RIMKLA: variants seen among roughly 807,000 people sequenced by gnomAD.
RIMKLA encodes the protein ribosomal modification protein rimK like family member A.
In RIMKLA, 14 loss-of-function variants were observed where a neutral mutation model predicts 32.7. The observed-to-expected ratio is 0.43, with a 90% CI of 0.28 to 0.67. RIMKLA has a LOEUF of 0.67. Ranked by LOEUF, RIMKLA falls within the 30% of genes least tolerant of loss-of-function variation. The pLI is 0.18. For missense variants in RIMKLA, 410 were observed against 519.0 expected (o/e 0.79, Z 2.04); for synonymous variants, 176 against 204.1 (o/e 0.86, Z 1.18).
In RIMKLA at chr1:42,416,096, G is replaced by GGGT. The variant is rs1442834977; in HGVS notation, c.*1124_*1125insTGG. ...CCCATTGCACATTTTGCGGGGGGGGGGGCTAATGTAGACATGACACCAAGT... is the reference window on the plus strand; with the variant it reads ...CCCATTGCACATTTTGCGGGGGGGGGGGTGGCTAATGTAGACATGACACCAAGT... On this transcript the variant is annotated 3_prime_UTR_variant, in exon 5 of 5. Coordinates refer to ENST00000431473, the MANE Select transcript of RIMKLA (RefSeq NM_173642.4). 15 of 131,756 alleles carry GGGT rather than the reference G, an allele frequency of 1.1e-4. 1 individual carries two copies. Among genetic ancestry groups the GGGT allele is most frequent in the Admixed American group, 2.3e-4 (3 of 13,008 alleles). 8.2% of individuals were successfully genotyped at this position (131,756 alleles called of 1,614,324 possible). A position where few individuals can be genotyped will look rare whatever the true frequency, so the allele number is the denominator to read the frequency against.
chr1:42,399,027 G>A (rs2148389310), intron 1 of RIMKLA, among the ~76,000 whole-genome samples: 1 of 150,752 alleles, frequency 6.6e-6, no homozygotes, highest in East Asian at 1.9e-4. Context: ...ATAAAAGAGT[G>A]GTAGGGATTC....
chr1:42,399,524 G>C lies in RIMKLA; in HGVS notation c.284G>C (p.Gly95Ala). 6.2e-7 allele frequency: 1 copy of C among 1,613,484 alleles called. No individual in the cohort carries two copies. Among genetic ancestry groups the C allele is most frequent in the African/African-American group, 1.3e-5 (1 of 75,032 alleles). ...GTCCTGCGACACCTGGAGAAGCTGG[G>C]CTGCCGGTTGGTCAATCGCCCACAG... ...ITVLRHLEKLGCRLVNRPQSI... is the reference protein window; with the variant it reads ...ITVLRHLEKLACRLVNRPQSI... Residue 95 changes from glycine to alanine, a missense_variant, in exon 2 of 5, where the codon GGC becomes GCC. By Grantham distance (60) the Gly-to-Ala change is moderately conservative. Coordinates refer to ENST00000431473, the MANE Select transcript of RIMKLA (RefSeq NM_173642.4).
rs1642879963 is a variant in RIMKLA, at chr1:42,380,850, G to GGCCGCCC, written c.-84_-78dup. On this transcript the variant is annotated 5_prime_UTR_variant, in exon 1 of 5. Transcript: ENST00000431473. ...CCGTGGCGCGCTCGCCCCGGACGCCGGCCGCCCCTCCGCTCGCCCTACTGA... is the reference window on the plus strand; with the variant it reads ...CCGTGGCGCGCTCGCCCCGGACGCCGGCCGCCCGCCGCCCCTCCGCTCGCCCTACTGA... The GGCCGCCC allele has an allele frequency of 8.6e-6, 8 of 933,072 alleles. No homozygotes were observed. The highest frequency in any genetic ancestry group is 1.1e-5 in the Non-Finnish European group (8 of 744,900). 57.8% of individuals were successfully genotyped at this position (933,072 alleles called of 1,614,324 possible).
intron 1 of RIMKLA, among the ~76,000 whole-genome samples, chr1:42,385,832 CTTTCTTTCTTTCT>C (rs1570313885): frequency 8.3e-4 from 61 of 73,388 alleles, no homozygotes; most frequent in Admixed American, 1.4e-3. Flanking sequence ...TCCTTCCTTT[CTTTCTTTCTTTCT>C]CTTTCTTTCT....
Position 42,422,754 on chromosome 1 carries a change from T to TATA in RIMKLA, c.*7783_*7785dup, listed in dbSNP as rs1643305274. Among the ~76,000 whole-genome samples, 1 of 152,218 alleles carries TATA rather than the reference T, an allele frequency of 6.6e-6. No individual in the cohort carries two copies. Among genetic ancestry groups the TATA allele is most frequent in the South Asian group, 2.1e-4 (1 of 4,830 alleles). On this transcript the variant is annotated 3_prime_UTR_variant, in exon 5 of 5. Transcript: ENST00000431473. ...GCACACCAGCTGCGTTCTGAAAAAC[T>TATA]ATAATTTTCCTTTCAAACGCAGAGT... is the stretch of plus-strand genomic sequence containing the variant.
At chr1:42,385,717 C>CTCTTTCTT (rs35500484) in intron 1 of RIMKLA, among the ~76,000 whole-genome samples, 4,997 of 109,074 alleles carry the variant, frequency 0.046, 232 homozygotes, top group South Asian at 0.098. Context: ...TTCTTTCCTT[C>CTCTTTCTT]TCTTTCTTTC....
intron 1 of RIMKLA, among the ~76,000 whole-genome samples, chr1:42,391,496 G>A (rs960140848): frequency 1.3e-5 from 2 of 152,068 alleles, no homozygotes; most frequent in Non-Finnish European, 2.9e-5. Context: ...CAACTTAGAG[G>A]GCTGTTGGGG....
intron 1 of RIMKLA, among the ~76,000 whole-genome samples, chr1:42,390,582 G>GT (rs1642992341): frequency 6.6e-6 from 1 of 152,196 alleles, no homozygotes; most frequent in African/African-American, 2.4e-5. Flanking sequence ...GTGCAGGTGG[G>GT]TGGGTAGATG....
chr1:42,389,668 G>C (rs1642983632), intron 1 of RIMKLA, among the ~76,000 whole-genome samples: 1 of 152,026 alleles, frequency 6.6e-6, no homozygotes, highest in Non-Finnish European at 1.5e-5. Flanking sequence ...AAAAAATTTA[G>C]CCGGGCGTGG....
rs1335249265 is a variant in RIMKLA at position 42,424,052 on chromosome 1, C to T, written c.*9078C>T. Among the ~76,000 whole-genome samples, 2 of 152,176 alleles carry T rather than the reference C, an allele frequency of 1.3e-5. No individual in the cohort carries two copies. On this transcript the variant is annotated 3_prime_UTR_variant, in exon 5 of 5. Transcript: ENST00000431473. The stretch of plus-strand genomic sequence containing the variant: ...AGAGAAGTGGCAGCTGAGCACACTG[C>T]CTGCCCAGGGATTTTCTTCTGCTCT...
intron 4 of RIMKLA, 26 bp downstream of exon 4, chr1:42,410,213 A>T: frequency 1.9e-6 from 3 of 1,603,804 alleles, no homozygotes; most frequent in South Asian, 2.2e-5. Flanking sequence ...ACAGGGTTTT[A>T]TTAGGGTATT....
At chr1:42,395,299 G>A (rs1291106691) in intron 1 of RIMKLA, among the ~76,000 whole-genome samples, 1 of 151,862 alleles carries the variant, frequency 6.6e-6, no homozygotes, top group Non-Finnish European at 1.5e-5. Flanking sequence ...ACTTGTTTGA[G>A]GTTTGATCTT....
At chr1:42,396,857 T>C (rs1425531107) in intron 1 of RIMKLA, among the ~76,000 whole-genome samples, 1 of 152,230 alleles carries the variant, frequency 6.6e-6, no homozygotes, top group Non-Finnish European at 1.5e-5. Context: ...CTGTGTAATG[T>C]TGTCCTGGGT....
Position 42,380,917 on chromosome 1 carries a change from C to A in RIMKLA, c.-18C>A. On this transcript the variant is annotated 5_prime_UTR_variant, in exon 1 of 5. Coordinates refer to ENST00000431473, the MANE Select transcript of RIMKLA (RefSeq NM_173642.4). Reference sequence around the variant, plus strand: ...GCCGAGGGGTCCGCGCCGCGCGGGGCGCACCGCCCTGGCCGCCATGTGCTC... The same window carrying A: ...GCCGAGGGGTCCGCGCCGCGCGGGGAGCACCGCCCTGGCCGCCATGTGCTC... The A allele has an allele frequency of 2.2e-6, 3 of 1,335,228 alleles. No homozygotes were observed. Among genetic ancestry groups the A allele is most frequent in the Non-Finnish European group, 2.9e-6 (3 of 1,042,850 alleles). 82.7% of individuals were successfully genotyped at this position (1,335,228 alleles called of 1,614,324 possible).
intron 1 of RIMKLA, among the ~76,000 whole-genome samples, chr1:42,389,813 CAA>C (rs201863495): frequency 0.16 from 22,796 of 144,284 alleles, 1,793 homozygotes; most frequent in East Asian, 0.23. Flanking sequence ...GACGCCATCT[CAA>C]AAAAAAAAAT....
chr1:42,397,611 A>G (rs61707063), intron 1 of RIMKLA, among the ~76,000 whole-genome samples: 27,605 of 152,084 alleles, frequency 0.18, 2,617 homozygotes, highest in East Asian at 0.22. Context: ...TGTAGTCCCA[A>G]CTACTTGGAA....
intron 3 of RIMKLA, among the ~76,000 whole-genome samples, chr1:42,409,005 C>A (rs960996809): frequency 6.6e-6 from 1 of 151,520 alleles, no homozygotes. Context: ...GCCAGGAGTT[C>A]GAGACCAGCC....
At chr1:42,393,362 CTG>C (rs1225816667) in intron 1 of RIMKLA, among the ~76,000 whole-genome samples, 7 of 152,184 alleles carry the variant, frequency 4.6e-5, no homozygotes, top group African/African-American at 1.7e-4. Flanking sequence ...GTATCTTTCT[CTG>C]TGAGGAGACT....
chr1:42,384,064 A>G (rs575582823), intron 1 of RIMKLA, among the ~76,000 whole-genome samples: 29 of 152,240 alleles, frequency 1.9e-4, no homozygotes, highest in African/African-American at 6.5e-4. Context: ...TGGGGCAGGT[A>G]TGGGCAGTGC....
Sources: gnomAD v4.1 joint callset for allele counts (sites outside exome capture counted in the v4.1 genomes callset) on GRCh38, gnomAD v4.1.1 for gene constraint, MANE v1.5 for transcripts, NCBI Gene and HGNC (gene_info 2026-07-23, HGNC 2026-07-21) for gene names.